The following FARS2 variants were observed in gnomAD, a reference collection of about 807,000 sequenced individuals.
FARS2 encodes the protein phenylalanine--tRNA ligase, mitochondrial.
In FARS2, 40 loss-of-function variants were observed where a neutral mutation model predicts 46.4. The observed-to-expected ratio is 0.86, with a 90% CI of 0.67 to 1.12. FARS2 has a LOEUF of 1.12. Ranked by LOEUF, FARS2 falls within the 50% of genes most tolerant of loss-of-function variation. The probability of loss-of-function intolerance (pLI) is 0.00; values close to 1 mark genes in which losing one functional copy is unlikely to be tolerated. For missense variants in FARS2, 513 were observed against 567.9 expected, an observed-to-expected ratio of 0.90 and a Z score of 0.98; for synonymous variants, 234 against 214.9, an observed-to-expected ratio of 1.09 and a Z score of -0.78.
At chr6:5,437,995 C>G (rs12198170) in intron 4 of FARS2, among the ~76,000 whole-genome samples, 60,517 of 151,696 alleles carry the variant, frequency 0.4, 12,736 homozygotes, top group Non-Finnish European at 0.46. Flanking sequence ...TTTTATTTCC[C>G]CTTTAGTTTG....
At chr6:5,499,211 G>A (rs567775143) in intron 4 of FARS2, among the ~76,000 whole-genome samples, 2 of 152,282 alleles carry the variant, frequency 1.3e-5, no homozygotes, top group South Asian at 2.1e-4. Context: ...CACTAACTTG[G>A]TTCTGGCCAA....
chr6:5,698,984 C>T (rs1758263156), intron 6 of FARS2, among the ~76,000 whole-genome samples: 1 of 152,178 alleles, frequency 6.6e-6, no homozygotes, highest in African/African-American at 2.4e-5. Flanking sequence ...ACAGGCAATT[C>T]CCCCATGTGC....
chr6:5,715,070 ATG>A (rs1338980933), intron 6 of FARS2, among the ~76,000 whole-genome samples: 1 of 151,736 alleles, frequency 6.6e-6, no homozygotes. Context: ...AACATTTTAC[ATG>A]TGCAGGACAC....
intron 6 of FARS2, among the ~76,000 whole-genome samples, chr6:5,653,124 T>C (rs1443657552): frequency 6.6e-6 from 1 of 152,208 alleles, no homozygotes; most frequent in Non-Finnish European, 1.5e-5. Context: ...CATAAATATA[T>C]GCATATATAT....
intron 2 of FARS2, among the ~76,000 whole-genome samples, chr6:5,385,944 A>G (rs1235427576): frequency 6.6e-6 from 1 of 152,022 alleles, no homozygotes; most frequent in Non-Finnish European, 1.5e-5. Flanking sequence ...ACCGAGTTGG[A>G]TATAGATTGC....
At chr6:5,375,388 T>C (rs1226296346) in intron 2 of FARS2, among the ~76,000 whole-genome samples, 1 of 152,040 alleles carries the variant, frequency 6.6e-6, no homozygotes, top group Non-Finnish European at 1.5e-5. Flanking sequence ...ATAAAATTAT[T>C]AAATATTATT....
intron 6 of FARS2, among the ~76,000 whole-genome samples, chr6:5,767,677 A>C (rs1038115008): frequency 3.3e-5 from 5 of 152,206 alleles, no homozygotes; most frequent in Non-Finnish European, 7.3e-5. Flanking sequence ...ATAATGGGTC[A>C]GTAATGCTGT....
intron 6 of FARS2, among the ~76,000 whole-genome samples, chr6:5,629,120 A>G (rs1776172000): frequency 6.6e-6 from 1 of 152,228 alleles, no homozygotes; most frequent in South Asian, 2.1e-4. Context: ...AGGATGTCCC[A>G]TAAATGGGTT....
At chr6:5,296,515 C>T (rs1014363941) in intron 1 of FARS2, among the ~76,000 whole-genome samples, 9 of 152,164 alleles carry the variant, frequency 5.9e-5, no homozygotes, top group Admixed American at 3.3e-4. Flanking sequence ...ATCACCACTA[C>T]CCATCTCTAG....
intron 4 of FARS2, among the ~76,000 whole-genome samples, chr6:5,513,679 G>C (rs1265784293): frequency 1.3e-5 from 2 of 152,210 alleles, no homozygotes; most frequent in Admixed American, 1.3e-4. Context: ...GTTGTCCAGG[G>C]TGATAAGAAT....
At position 5,369,069 on chromosome 6, in the gene FARS2, G is replaced by C; in HGVS notation, c.499G>C (p.Gly167Arg). ...ACACCAGTGGGACTTGCTGCACGCG[G>C]GACTGGATGCCTTCCTGGTGGTGGG... is the stretch of plus-strand genomic sequence containing the variant. ...SAHQWDLLHA[G>R]LDAFLVVGDV... is the part of the protein sequence containing the mutation. Residue 167 changes from glycine to arginine, a missense_variant, in exon 2 of 7, where the codon GGA becomes CGA. Physicochemically the swap from Gly to Arg is moderately radical, Grantham distance 125. Transcript: ENST00000274680. The C allele has an allele frequency of 6.2e-7, 1 of 1,613,996 alleles. No individual in the cohort carries two copies. The highest frequency in any genetic ancestry group is 8.5e-7 in the Non-Finnish European group (1 of 1,179,998).
intron 6 of FARS2, among the ~76,000 whole-genome samples, chr6:5,696,911 A>G (rs1377437821): frequency 6.6e-6 from 1 of 152,232 alleles, no homozygotes; most frequent in African/African-American, 2.4e-5. Context: ...GAGAACAGAT[A>G]TCAGTGACTT....
At chr6:5,623,770 G>A (rs1775898246) in intron 6 of FARS2, among the ~76,000 whole-genome samples, 1 of 152,076 alleles carries the variant, frequency 6.6e-6, no homozygotes, top group Non-Finnish European at 1.5e-5. Context: ...CTGGTCAGCA[G>A]AGTTATATAG....
intron 5 of FARS2, among the ~76,000 whole-genome samples, chr6:5,591,660 G>C (rs974646806): frequency 6.6e-6 from 1 of 152,166 alleles, no homozygotes; most frequent in Non-Finnish European, 1.5e-5. Context: ...TGGAAATGCT[G>C]ACCCATTTCT....
intron 1 of FARS2, among the ~76,000 whole-genome samples, chr6:5,284,370 G>C (rs1766965799): frequency 6.6e-6 from 1 of 152,198 alleles, no homozygotes; most frequent in South Asian, 2.1e-4. Flanking sequence ...TTTAACTTTG[G>C]TCCAATGTCT....
intron 4 of FARS2, among the ~76,000 whole-genome samples, chr6:5,522,418 C>A (rs762513020): frequency 6.6e-5 from 10 of 152,228 alleles, no homozygotes; most frequent in Non-Finnish European, 1.3e-4. Context: ...TCATGTAGGT[C>A]ATTCTTACTG....
At chr6:5,389,343 G>GTC (rs1321779866) in intron 2 of FARS2, among the ~76,000 whole-genome samples, 4 of 151,806 alleles carry the variant, frequency 2.6e-5, no homozygotes, top group Admixed American at 2.0e-4. Flanking sequence ...CTTGTGTCCT[G>GTC]TCTCTCTCTC....
chr6:5,362,764 C>G (rs960316617), intron 1 of FARS2, among the ~76,000 whole-genome samples: 2 of 152,076 alleles, frequency 1.3e-5, no homozygotes, highest in South Asian at 4.1e-4. Context: ...TTGGTAATAG[C>G]GGTTCTAACA....
chr6:5,368,042 A>T (rs1758790622), intron 1 of FARS2, among the ~76,000 whole-genome samples: 1 of 152,226 alleles, frequency 6.6e-6, no homozygotes, highest in South Asian at 2.1e-4. Flanking sequence ...CTCTGTAGTT[A>T]TGAGGATGGT....
Sources: gnomAD v4.1 joint callset for allele counts (sites outside exome capture counted in the v4.1 genomes callset) on GRCh38, gnomAD v4.1.1 for gene constraint, MANE v1.5 for transcripts, NCBI Gene and HGNC (gene_info 2026-07-23, HGNC 2026-07-21) for gene names.